Variants in UVSSA observed in about 807,000 individuals in gnomAD.
UVSSA encodes UV stimulated scaffold protein A.
UVSSA carries 72 observed loss-of-function variants against 73.9 expected under a neutral mutation model. That is an observed-to-expected ratio of 0.97 (90% CI 0.81 to 1.19). The LOEUF (loss-of-function observed/expected upper bound fraction) is 1.19, where lower values mean the gene tolerates loss of function less well. Ranked by LOEUF, UVSSA falls within the 50% of genes most tolerant of loss-of-function variation. UVSSA has a pLI of 0.00. For synonymous variants in UVSSA, 454 were observed against 391.3 expected, an observed-to-expected ratio of 1.16 and a Z score of -1.89; for missense variants, 1,150 against 965.0, an observed-to-expected ratio of 1.19 and a Z score of -2.54.
chr4:1,342,976 A>C (rs1452027351), upstream of UVSSA, among the ~76,000 whole-genome samples: 1 of 152,002 alleles, frequency 6.6e-6, no homozygotes, highest in Non-Finnish European at 1.5e-5. Context: ...GGTCTGTTGC[A>C]TTTCCACGCA....
At chr4:1,372,412 C>T (rs183754260) in intron 8 of UVSSA, among the ~76,000 whole-genome samples, 299 of 152,250 alleles carry the variant, frequency 2.0e-3, no homozygotes, top group African/African-American at 6.7e-3. Context: ...ATTTATGTGC[C>T]CCGTTGTTGT....
At chr4:1,360,543 C>G (rs1198298553) in intron 7 of UVSSA, among the ~76,000 whole-genome samples, 1 of 152,228 alleles carries the variant, frequency 6.6e-6, no homozygotes, top group African/African-American at 2.4e-5. Flanking sequence ...GTGCGCCTGA[C>G]AAACCCGTGC....
In UVSSA at chr4:1,385,926, A is replaced by C; in HGVS notation, c.2095A>C (p.Lys699Gln). 1 of 1,614,072 alleles carries C rather than the reference A, an allele frequency of 6.2e-7. No homozygotes were observed. Among genetic ancestry groups the C allele is most frequent in the South Asian group, 1.1e-5 (1 of 91,090 alleles). The part of the protein sequence containing the change: ...MNRMDQKKHE[K>Q]FSNQFNYALN Reference sequence around the variant, plus strand: ...CCGGATGGACCAGAAGAAGCACGAGAAGTTTTCAAACCAGTTTAACTACGC... The same window carrying C: ...CCGGATGGACCAGAAGAAGCACGAGCAGTTTTCAAACCAGTTTAACTACGC... Residue 699 changes from lysine to glutamine, a missense_variant, in exon 14 of 14, where the codon AAG becomes CAG. Coordinates refer to ENST00000389851, the MANE Select transcript of UVSSA (RefSeq NM_020894.4).
intron 4 of UVSSA, among the ~76,000 whole-genome samples, chr4:1,352,207 T>A (rs1329912109): frequency 6.6e-6 from 1 of 152,262 alleles, no homozygotes; most frequent in Non-Finnish European, 1.5e-5. Context: ...CTTCACTGTT[T>A]GCTTCTCGGC....
chr4:1,391,816 G>T (rs980854762), downstream of UVSSA: 1 of 151,910 alleles, frequency 6.6e-6, no homozygotes, highest in African/African-American at 2.4e-5. Flanking sequence ...TCTGGTCTCT[G>T]CTCTGAATCA....
rs116083172 is a variant in UVSSA at position 1,375,289 on chromosome 4, A to G, written c.1289-75A>G. On this transcript the variant is annotated intron_variant, in intron 8 of 13. Transcript: ENST00000389851. ...ACACGCTAACGCATAGGCGCGTCCT[A>G]ACTGCCCGGTCTTGCCTGATGTGCC... The G allele has an allele frequency of 1.4e-3, 2,193 of 1,588,168 alleles. 26 individuals are homozygous for G. In the African/African-American group the frequency reaches 0.026, roughly 19 times the overall value.
chr4:1,383,893 T>G lies in UVSSA; in HGVS notation c.1989T>G (p.Ala663=), dbSNP rs1238020583. 1 of 1,613,284 alleles carries G rather than the reference T, an allele frequency of 6.2e-7. No individual in the cohort carries two copies. Among genetic ancestry groups the G allele is most frequent in the East Asian group, 2.2e-5 (1 of 44,886 alleles). The change falls in exon 13 of 14, where the codon GCT becomes GCG. Residue 663 remains alanine (A), a synonymous_variant. Transcript: ENST00000389851. ...ACCCCAGCCTCACCAACCTGAAGGCTCAGGCTGATACCGCCCGCGCTCGCA... is the reference window on the plus strand; with the variant it reads ...ACCCCAGCCTCACCAACCTGAAGGCGCAGGCTGATACCGCCCGCGCTCGCA... ...RRYPSLTNLK[A]QADTARARIG...
chr4:1,359,676 G>A (rs568877624), intron 7 of UVSSA, among the ~76,000 whole-genome samples: 4 of 152,196 alleles, frequency 2.6e-5, no homozygotes, highest in Admixed American at 1.3e-4. Flanking sequence ...GGGTTTGGCC[G>A]TGGATGCATC....
At position 1,355,141 on chromosome 4, in the gene UVSSA, G is replaced by T. The variant is rs776635686; in HGVS notation, c.1072G>T (p.Gly358Cys). ...IQRFTRVGTH[G>C]GCLKRAIDLK... is the part of the protein sequence containing the mutation. ...GCGCTTCACCCGCGTCGGGACCCAC[G>T]GTGGATGTTTAAAGCGTGCCATTGA... The change falls in exon 7 of 14, where the codon GGT (glycine) becomes TGT (cysteine). Residue 358 changes from glycine to cysteine, a missense_variant. Physicochemically the swap from Gly to Cys is radical, Grantham distance 159 (BLOSUM62 -3). Transcript: ENST00000389851. 1.2e-6 allele frequency: 2 copies of T among 1,613,778 alleles called. No individual in the cohort carries two copies. The highest frequency in any genetic ancestry group is 1.7e-6 in the Non-Finnish European group (2 of 1,179,912).
At chr4:1,363,752 C>A (rs934188672) in intron 7 of UVSSA, among the ~76,000 whole-genome samples, 6 of 152,194 alleles carry the variant, frequency 3.9e-5, no homozygotes, top group Non-Finnish European at 8.8e-5. Flanking sequence ...GTTAAGTGCC[C>A]CTGTCATTTC....
chr4:1,380,306 C>A, intron 11 of UVSSA, 76 bp downstream of exon 11: 1 of 1,494,378 alleles, frequency 6.7e-7, no homozygotes, highest in Non-Finnish European at 9.0e-7. Context: ...CTGAGCCCCA[C>A]CTGCCCCTGC....
At position 1,385,901 on chromosome 4, in the gene UVSSA, C is replaced by A; in HGVS notation, c.2070C>A (p.Asn690Lys). 1 of 1,614,024 alleles carries A rather than the reference C, an allele frequency of 6.2e-7. No individual in the cohort carries two copies. Among genetic ancestry groups the A allele is most frequent in the Non-Finnish European group, 8.5e-7 (1 of 1,180,028 alleles). The change falls in exon 14 of 14, where the codon AAC becomes AAA. Residue 690 changes from asparagine to lysine, a missense_variant. Physicochemically the swap from Asn to Lys is moderately conservative, Grantham distance 94 (BLOSUM62 0). Coordinates refer to ENST00000389851, the MANE Select transcript of UVSSA (RefSeq NM_020894.4). Reference sequence around the variant, plus strand: ...TGCGGAGGGTAGTGGCAGCCATGAACCGGATGGACCAGAAGAAGCACGAGA... The same window carrying A: ...TGCGGAGGGTAGTGGCAGCCATGAAACGGATGGACCAGAAGAAGCACGAGA... ...AAVRRVVAAMNRMDQKKHEKF... is the reference protein window; with the variant it reads ...AAVRRVVAAMKRMDQKKHEKF...
chr4:1,378,738 C>G (rs538144470), intron 10 of UVSSA, among the ~76,000 whole-genome samples: 1 of 152,192 alleles, frequency 6.6e-6, no homozygotes, highest in Non-Finnish European at 1.5e-5. Context: ...GCTTCTCCCA[C>G]GGGGCCTTGG....
At chr4:1,350,755 C>T (rs989549971) in intron 3 of UVSSA, among the ~76,000 whole-genome samples, 2 of 144,358 alleles carry the variant, frequency 1.4e-5, no homozygotes, top group Non-Finnish European at 3.0e-5. Flanking sequence ...CACAGCAAGA[C>T]CGTTGTCTCT....
chr4:1,376,077 G>A lies in UVSSA; in HGVS notation c.1477G>A (p.Ala493Thr), dbSNP rs1325014402. The A allele has an allele frequency of 6.2e-7, 1 of 1,602,218 alleles. No individual in the cohort carries two copies. Among genetic ancestry groups the A allele is most frequent in the South Asian group, 1.1e-5 (1 of 89,266 alleles). ...LPEPQEAQKL[A>T]AERARAPVVP... ...AGAGCCACAGGAGGCCCAGAAGCTG[G>A]CAGCAGAGCGGGCCCGGGCGCCTGT... The change falls in exon 10 of 14, where the codon GCA becomes ACA. Residue 493 changes from alanine to threonine, a missense_variant. Transcript: ENST00000389851.
chr4:1,382,059 T>C (rs1719572914), intron 12 of UVSSA, among the ~76,000 whole-genome samples: 1 of 152,142 alleles, frequency 6.6e-6, no homozygotes, highest in Non-Finnish European at 1.5e-5. Flanking sequence ...GGGCCCAGGA[T>C]CCCTTCCAAG....
intron 11 of UVSSA, 161 bp from the exon 12 acceptor site, chr4:1,380,719 G>A (rs934561068): frequency 3.0e-5 from 46 of 1,546,614 alleles, no homozygotes; most frequent in Middle Eastern, 1.7e-4. Flanking sequence ...CTCTCAGGAC[G>A]CCCTCCTCTG....
Position 1,365,847 on chromosome 4 carries a change from G to A in UVSSA, c.1177-473G>A, listed in dbSNP as rs1289518603. ...CAGACGCACCTGCTCCACCTGGTGG[G>A]AAGATAACTGCCCTAAGCCTCAGGG... On this transcript the variant is annotated intron_variant, in intron 7 of 13. Coordinates refer to ENST00000389851, the MANE Select transcript of UVSSA (RefSeq NM_020894.4). Among the ~76,000 whole-genome samples the A allele has an allele frequency of 4.6e-5, 7 of 151,338 alleles. No homozygotes were observed. The East Asian group carries it at 1.4e-3, about 29-fold the overall frequency.
At chr4:1,385,708 C>T (rs548134689) in intron 13 of UVSSA, 160 bp from the exon 14 acceptor site, 20 of 698,962 alleles carry the variant, frequency 2.9e-5, no homozygotes, top group South Asian at 1.4e-4. Flanking sequence ...AGGGGCCCGT[C>T]GCCCATCTGT....
Sources: allele counts gnomAD v4.1 joint callset (sites outside exome capture counted in the v4.1 genomes callset), GRCh38; gene constraint gnomAD v4.1.1; transcripts MANE v1.5; gene names NCBI Gene and HGNC (gene_info 2026-07-23, HGNC 2026-07-21).